The following DCN variants were observed in gnomAD, a reference collection of about 807,000 sequenced individuals.
DCN encodes the protein decorin, also known as bone proteoglycan II.
Under a neutral mutation model 36.5 loss-of-function variants are expected in DCN, and 17 were observed. The ratio of observed to expected loss-of-function variants is 0.47; its 90% confidence interval spans 0.32 to 0.70. DCN has a LOEUF of 0.70. Among genes scored for constraint, DCN ranks in the 30% least tolerant of loss-of-function variants. DCN has a pLI of 0.04. For synonymous variants in DCN, 163 were observed against 161.4 expected, an observed-to-expected ratio of 1.01 and a Z score of -0.07; for missense variants, 389 against 430.1, an observed-to-expected ratio of 0.90 and a Z score of 0.84.
At chr12:91,166,469 G>A (rs1882580537) in intron 2 of DCN, among the ~76,000 whole-genome samples, 1 of 152,146 alleles carries the variant, frequency 6.6e-6, no homozygotes, top group African/African-American at 2.4e-5. Context: ...GTTAATTGGT[G>A]TTCTCCAACC....
chr12:91,169,705 CA>C (rs1433334855), intron 2 of DCN: 4 of 152,154 alleles, frequency 2.6e-5, no homozygotes, highest in Non-Finnish European at 5.9e-5. Flanking sequence ...CCTATAATAA[CA>C]TTTTTTTATA....
At chr12:91,167,846 G>GT (rs897758952) in intron 2 of DCN, among the ~76,000 whole-genome samples, 11 of 151,876 alleles carry the variant, frequency 7.2e-5, no homozygotes, top group Non-Finnish European at 1.0e-4. Context: ...TTTTGTTTTT[G>GT]TTTTTTTGTT....
chr12:91,162,326 C>T (rs778247358), intron 3 of DCN, among the ~76,000 whole-genome samples: 2 of 152,014 alleles, frequency 1.3e-5, no homozygotes, highest in Non-Finnish European at 2.9e-5. Flanking sequence ...GGTATATTTT[C>T]TTCTAATGGC....
At chr12:91,181,456 T>A (rs1868399241) in intron 1 of DCN, among the ~76,000 whole-genome samples, 1 of 152,014 alleles carries the variant, frequency 6.6e-6, no homozygotes, top group Non-Finnish European at 1.5e-5. Context: ...AAAGAGATTG[T>A]TATTGAGATG....
At chr12:91,176,761 T>C (rs1883313472) in intron 2 of DCN, 1 of 152,200 alleles carries the variant, frequency 6.6e-6, no homozygotes, top group African/African-American at 2.4e-5. Flanking sequence ...CTTTTAACTT[T>C]TTCTCAGAGG....
At position 91,142,128 on chromosome 12, in the gene DCN, A is replaced by C. The variant is rs1489745445; in HGVS notation, c.*3930T>G. On this transcript the variant is annotated 3_prime_UTR_variant, in exon 8 of 8. Transcript: ENST00000052754. ...AGATGGTGTGCTTGAATACATAAAC[A>C]GATCCACTAGAAGGAATGTTTTAGC... 1 of 152,232 alleles carries C rather than the reference A, an allele frequency of 6.6e-6. No individual in the cohort carries two copies. The highest frequency in any genetic ancestry group is 1.5e-5 in the Non-Finnish European group (1 of 68,038). The allele number at this position is 152,232 out of a possible 1,614,324, so 9.4% of individuals were successfully genotyped here. A position where few individuals can be genotyped will look rare whatever the true frequency, so the allele number is the denominator to read the frequency against.
rs1880771313 is a variant in DCN at position 91,142,106 on chromosome 12, T to C, written c.*3952A>G. ...TGTGATTTGAAATAATTGTGACAGA[T>C]GGTGTGCTTGAATACATAAACAGAT... On this transcript the variant is annotated 3_prime_UTR_variant, in exon 8 of 8. Transcript: ENST00000052754. 6.6e-6 allele frequency: 1 copy of C among 152,232 alleles called. No individual in the cohort carries two copies. The highest frequency in any genetic ancestry group is 1.5e-5 in the Non-Finnish European group (1 of 68,034). 9.4% of individuals were successfully genotyped at this position (152,232 alleles called of 1,614,324 possible).
chr12:91,161,462 T>C (rs898575386), intron 3 of DCN, among the ~76,000 whole-genome samples: 1 of 152,214 alleles, frequency 6.6e-6, no homozygotes, highest in African/African-American at 2.4e-5. Context: ...TTTAATAATA[T>C]TCATTTTTTA....
chr12:91,172,621 G>A, intron 2 of DCN: 1 of 519,212 alleles, frequency 1.9e-6, no homozygotes, highest in South Asian at 2.4e-5. Context: ...GTCCTTAAAG[G>A]GAAGGAGCAA....
chr12:91,166,443 T>A (rs1882579329), intron 2 of DCN, among the ~76,000 whole-genome samples: 1 of 152,188 alleles, frequency 6.6e-6, no homozygotes, highest in Admixed American at 6.5e-5. Flanking sequence ...GAATGGTAGA[T>A]TTCTGCCAAA....
rs1292654564 is a variant in DCN, at chr12:91,143,507, A to C, written c.*2551T>G. The C allele has an allele frequency of 6.6e-6, 1 of 152,186 alleles. No homozygotes were observed. The highest frequency in any genetic ancestry group is 6.5e-5 in the Admixed American group (1 of 15,270). The allele number at this position is 152,186 out of a possible 1,614,324, so 9.4% of individuals were successfully genotyped here. ...AACTGACACATAAGAATTTCCCTTG[A>C]AATGATTATAGCTCGAACTGTGTGC... On this transcript the variant is annotated 3_prime_UTR_variant, in exon 8 of 8. Transcript: ENST00000052754.
chr12:91,157,916 C>T (rs1881900867), intron 4 of DCN, among the ~76,000 whole-genome samples: 1 of 152,298 alleles, frequency 6.6e-6, no homozygotes, highest in South Asian at 2.1e-4. Flanking sequence ...GCATGAGCCA[C>T]CGCGCCCAGC....
intron 7 of DCN, 153 bp downstream of exon 7, chr12:91,151,501 A>T (rs932977290): frequency 2.1e-5 from 17 of 804,966 alleles, no homozygotes; most frequent in Admixed American, 1.4e-4. Flanking sequence ...TCATGATTTA[A>T]TTTTTTTTAT....
intron 3 of DCN, 140 bp from the exon 4 acceptor site, chr12:91,158,649 A>T: frequency 1.5e-6 from 1 of 668,300 alleles, no homozygotes; most frequent in Non-Finnish European, 2.7e-6. Flanking sequence ...AAAATTAAGT[A>T]AGTATTATTT....
At chr12:91,168,194 C>T (rs186009102) in intron 2 of DCN, among the ~76,000 whole-genome samples, 1 of 152,272 alleles carries the variant, frequency 6.6e-6, no homozygotes, top group African/African-American at 2.4e-5. Flanking sequence ...ACAGCTATTC[C>T]GTGAGCATAT....
At chr12:91,150,109 G>GA (rs1248379415) in intron 7 of DCN, among the ~76,000 whole-genome samples, 1 of 151,224 alleles carries the variant, frequency 6.6e-6, no homozygotes, top group African/African-American at 2.4e-5. Context: ...AAATAACTTT[G>GA]AAAAAAAAGA....
At chr12:91,172,177 T>C (rs539050853) in intron 2 of DCN, 2 of 152,272 alleles carry the variant, frequency 1.3e-5, no homozygotes, top group Admixed American at 1.3e-4. Flanking sequence ...CTTCTTTTGG[T>C]TATCCCAATG....
intron 5 of DCN, among the ~76,000 whole-genome samples, chr12:91,154,151 A>G (rs1235494921): frequency 6.6e-6 from 1 of 152,152 alleles, no homozygotes; most frequent in African/African-American, 2.4e-5. Flanking sequence ...AATTTTTATC[A>G]CATCACACTG....
At chr12:91,148,640 C>T (rs943744702) in intron 7 of DCN, among the ~76,000 whole-genome samples, 4 of 140,968 alleles carry the variant, frequency 2.8e-5, no homozygotes, top group South Asian at 2.2e-4. Context: ...TTCTTGAACC[C>T]GAGAGGCGGA....
Sources: gnomAD v4.1 joint callset for allele counts (sites outside exome capture counted in the v4.1 genomes callset) on GRCh38, gnomAD v4.1.1 for gene constraint, MANE v1.5 for transcripts, NCBI Gene and HGNC (gene_info 2026-07-23, HGNC 2026-07-21) for gene names.